The following SNX29 variants were observed in gnomAD, a reference collection of about 807,000 sequenced individuals.
SNX29 encodes sorting nexin 29.
A neutral mutation model predicts 102.1 loss-of-function variants in SNX29; 78 were observed. The observed-to-expected ratio is 0.76, with a 90% CI of 0.64 to 0.92. SNX29 has a LOEUF of 0.92. SNX29 is among the 40% of genes least tolerant of loss of function. The pLI is 0.00. For synonymous variants in SNX29, 580 were observed against 414.5 expected (o/e 1.40, Z -4.85); for missense variants, 1,280 against 1,061.7 (o/e 1.21, Z -2.86).
chr16:12,225,080 A>G (rs1567331289), intron 14 of SNX29, among the ~76,000 whole-genome samples: 1 of 152,222 alleles, frequency 6.6e-6, no homozygotes. Flanking sequence ...TTATTCTAAC[A>G]AACAGTGCCT....
intron 11 of SNX29, among the ~76,000 whole-genome samples, chr16:12,112,315 T>C (rs1174746843): frequency 6.6e-6 from 1 of 152,046 alleles, no homozygotes; most frequent in Non-Finnish European, 1.5e-5. Context: ...CCCTCCCTCT[T>C]AAGTTTGAAT....
At chr16:12,254,046 G>C (rs2078497417) in intron 14 of SNX29, among the ~76,000 whole-genome samples, 1 of 152,158 alleles carries the variant, frequency 6.6e-6, no homozygotes, top group Non-Finnish European at 1.5e-5. Flanking sequence ...GCATTGTCCT[G>C]AGCAGCCAGA....
intron 13 of SNX29, among the ~76,000 whole-genome samples, chr16:12,145,825 C>T (rs2055044625): frequency 6.6e-6 from 1 of 152,166 alleles, no homozygotes; most frequent in African/African-American, 2.4e-5. Context: ...CCTTGTTTCT[C>T]ACATCATTTT....
At chr16:12,078,740 C>A in intron 10 of SNX29, 93 bp from the exon 11 acceptor site, 1 of 1,009,076 alleles carries the variant, frequency 9.9e-7, no homozygotes, top group Non-Finnish European at 1.5e-6. Context: ...AGTAGAGGTA[C>A]CGGAGTAAAC....
chr16:12,572,502 C>G lies in SNX29; in HGVS notation c.*3873C>G. The G allele has an allele frequency of 2.8e-6, 3 of 1,063,964 alleles. No individual in the cohort carries two copies. The highest frequency in any genetic ancestry group is 3.4e-6 in the Non-Finnish European group (3 of 878,384). 65.9% of individuals were successfully genotyped at this position (1,063,964 alleles called of 1,614,324 possible). A position where few individuals can be genotyped will look rare whatever the true frequency, so the allele number is the denominator to read the frequency against. On this transcript the variant is annotated 3_prime_UTR_variant, in exon 21 of 21. Transcript: ENST00000566228. ...AGTTCTTGGGGTTCCAGGCCTCGGC[C>G]TTCCTGCTCCACGTGCTCAAGCCCC...
At chr16:12,264,275 C>G (rs2078861808) in intron 14 of SNX29, among the ~76,000 whole-genome samples, 1 of 152,200 alleles carries the variant, frequency 6.6e-6, no homozygotes, top group African/African-American at 2.4e-5. Flanking sequence ...GCATAGAGTC[C>G]TAGCATTGAG....
chr16:12,302,182 G>GT (rs2080193821), intron 15 of SNX29, among the ~76,000 whole-genome samples: 2 of 152,156 alleles, frequency 1.3e-5, no homozygotes, highest in African/African-American at 2.4e-5. Context: ...GATGGACGTC[G>GT]TAACTATTCA....
chr16:12,514,196 C>G (rs1192191930), intron 19 of SNX29, among the ~76,000 whole-genome samples: 1 of 152,204 alleles, frequency 6.6e-6, no homozygotes, highest in Non-Finnish European at 1.5e-5. Flanking sequence ...AAATTGAAGA[C>G]TCAGAGCTGT....
intron 6 of SNX29, among the ~76,000 whole-genome samples, chr16:12,047,651 CTTTTTTTTTTT>C (rs376623418): frequency 7.9e-6 from 1 of 126,616 alleles, no homozygotes; most frequent in Non-Finnish European, 1.6e-5. Context: ...GGACCAAGGT[CTTTTTTTTTTT>C]TTTTTTTTTT....
intron 18 of SNX29, among the ~76,000 whole-genome samples, chr16:12,421,636 A>G (rs2084874712): frequency 6.6e-6 from 1 of 152,210 alleles, no homozygotes; most frequent in African/African-American, 2.4e-5. Context: ...TGTCTGACAC[A>G]TGGGAAGTTC....
At chr16:12,095,611 A>G (rs778755376) in intron 11 of SNX29, among the ~76,000 whole-genome samples, 1 of 152,234 alleles carries the variant, frequency 6.6e-6, no homozygotes, top group Non-Finnish European at 1.5e-5. Context: ...GGGAATTTGC[A>G]GCTCATCAGA....
At chr16:12,383,851 T>C (rs2083262704) in intron 16 of SNX29, among the ~76,000 whole-genome samples, 1 of 151,160 alleles carries the variant, frequency 6.6e-6, no homozygotes, top group African/African-American at 2.4e-5. Flanking sequence ...AGCCATCCCT[T>C]CCTCCGCCCT....
intron 18 of SNX29, among the ~76,000 whole-genome samples, chr16:12,460,558 A>C (rs2086734666): frequency 1.4e-5 from 2 of 147,618 alleles, no homozygotes; most frequent in African/African-American, 5.0e-5. Flanking sequence ...ATTCCATGTC[A>C]CCTCTCCTTC....
At chr16:12,056,360 C>A (rs1336143324) in intron 8 of SNX29, among the ~76,000 whole-genome samples, 2 of 152,178 alleles carry the variant, frequency 1.3e-5, no homozygotes, top group African/African-American at 4.8e-5. Flanking sequence ...GCCAGAGGGC[C>A]TCCTGCAGAC....
chr16:12,063,266 A>C (rs1259430288), intron 9 of SNX29, among the ~76,000 whole-genome samples: 1 of 146,710 alleles, frequency 6.8e-6, no homozygotes, highest in Non-Finnish European at 1.5e-5. Context: ...GTTGGCATGG[A>C]GGGGGCTTTC....
In SNX29 at chr16:12,431,437, T is replaced by C. The variant is rs367831544; in HGVS notation, c.2037+27908T>C. ...AGCTTTTCTTCTTCTTCTTCTTCTT[T>C]TTTTTTTTTTGTTTTTGTTTTTTTG... is the stretch of plus-strand genomic sequence containing the variant. On this transcript the variant is annotated intron_variant, in intron 18 of 20. Coordinates refer to ENST00000566228, the MANE Select transcript of SNX29 (RefSeq NM_032167.5). Among the ~76,000 whole-genome samples, 462 of 138,272 alleles carry C rather than the reference T, an allele frequency of 3.3e-3. 2 individuals are homozygous for C. The highest frequency in any genetic ancestry group is 9.9e-3 in the African/African-American group (310 of 31,396). 90.7% of individuals were successfully genotyped at this position (138,272 alleles called of 152,430 possible). A position where few individuals can be genotyped will look rare whatever the true frequency, so the allele number is the denominator to read the frequency against.
chr16:12,546,085 C>A (rs1200331329), intron 20 of SNX29, among the ~76,000 whole-genome samples: 1 of 152,178 alleles, frequency 6.6e-6, no homozygotes, highest in Non-Finnish European at 1.5e-5. Context: ...TCCCCAGTCT[C>A]TCACTTCACT....
Position 11,999,336 on chromosome 16 carries a change from G to T in SNX29, c.47G>T (p.Arg16Leu). Residue 16 changes from arginine (R) to leucine (L), a missense_variant, in exon 2 of 21, where the codon CGA becomes CTA. Coordinates refer to ENST00000566228, the MANE Select transcript of SNX29 (RefSeq NM_032167.5). The stretch of plus-strand genomic sequence containing the variant: ...GACAAAAGACAATTTCTGCTGGAGC[G>T]ACTGCTGGATGCAGTGAAACAGGTA... ...NNDKRQFLLE[R>L]LLDAVKQCQI... 1.2e-6 allele frequency: 2 copies of T among 1,614,104 alleles called. No homozygotes were observed. The highest frequency in any genetic ancestry group is 1.7e-5 in the Admixed American group (1 of 60,012).
chr16:12,204,531 C>G (rs891646307), intron 14 of SNX29, among the ~76,000 whole-genome samples: 2 of 152,148 alleles, frequency 1.3e-5, no homozygotes, highest in African/African-American at 4.8e-5. Context: ...TTTAAAGCCA[C>G]GAGCTCTCCT....
Sources: allele counts gnomAD v4.1 joint callset (sites outside exome capture counted in the v4.1 genomes callset), GRCh38; gene constraint gnomAD v4.1.1; transcripts MANE v1.5; gene names NCBI Gene and HGNC (gene_info 2026-07-23, HGNC 2026-07-21).